Variants in PBRM1 observed in about 807,000 individuals in gnomAD.
PBRM1 encodes the protein protein polybromo-1.
A neutral mutation model predicts 194.5 loss-of-function variants in PBRM1; 27 were observed. The ratio of observed to expected loss-of-function variants is 0.14; its 90% confidence interval spans 0.10 to 0.19. PBRM1 has a LOEUF of 0.19. PBRM1 is among the 10% of genes least tolerant of loss of function. PBRM1 has a pLI of 1.00. For missense variants in PBRM1, 1,466 were observed against 2,077.2 expected (o/e 0.71, Z 5.72); for synonymous variants, 655 against 693.2 (o/e 0.94, Z 0.87).
chr3:52,602,801 C>G (rs903749002), intron 17 of PBRM1, among the ~76,000 whole-genome samples: 7 of 152,176 alleles, frequency 4.6e-5, no homozygotes, highest in African/African-American at 1.7e-4. Context: ...CCAACCAAGT[C>G]TCTTTCCCTT....
intron 15 of PBRM1, among the ~76,000 whole-genome samples, chr3:52,610,759 C>T (rs1162944677): frequency 1.3e-5 from 2 of 152,092 alleles, no homozygotes; most frequent in South Asian, 2.1e-4. Context: ...GCCAACATGG[C>T]GAAACCCTGT....
At chr3:52,553,394 A>G (rs1205490816) in intron 27 of PBRM1, among the ~76,000 whole-genome samples, 1 of 152,046 alleles carries the variant, frequency 6.6e-6, no homozygotes, top group African/African-American at 2.4e-5. Flanking sequence ...ATCCATTTAT[A>G]TATTTCTATA....
chr3:52,667,058 T>C (rs1159608782), intron 3 of PBRM1, among the ~76,000 whole-genome samples: 1 of 152,124 alleles, frequency 6.6e-6, no homozygotes, highest in Non-Finnish European at 1.5e-5. Flanking sequence ...GAGAATAGTG[T>C]TGGTTATACC....
At chr3:52,589,288 A>C in intron 17 of PBRM1, 33 bp from the exon 20 acceptor site, 3 of 1,426,470 alleles carry the variant, frequency 2.1e-6, no homozygotes, top group Non-Finnish European at 2.8e-6. Context: ...TAAAGGAAAA[A>C]GGTACTCACC....
exon 27 of PBRM1, chr3:52,554,827 A>G (rs755857673): frequency 1.9e-6 from 3 of 1,600,190 alleles, no homozygotes; most frequent in Non-Finnish European, 2.6e-6. Flanking sequence ...TAACAAGGCC[A>G]TCAACTGGGC....
upstream of PBRM1, chr3:52,679,741 C>T (rs2097171427): frequency 6.2e-7 from 1 of 1,605,550 alleles, no homozygotes; most frequent in Non-Finnish European, 8.5e-7. Flanking sequence ...AAGAAATAAT[C>T]AGCCATGTTC....
At position 52,587,003 on chromosome 3, in the gene PBRM1, TTGTG is replaced by T. The variant is rs538427811; in HGVS notation, c.3124-319_3124-316del. Among the ~76,000 whole-genome samples the T allele has an allele frequency of 1.4e-4, 21 of 152,238 alleles. No individual in the cohort carries two copies. In the South Asian group the frequency reaches 1.9e-3, roughly 14 times the overall value. ...TGTTCCTTAAAGCTTTGAAGAGGGC[TTGTG>T]TGTGTGTATCAGACAGACACACAAA... On this transcript the variant is annotated intron_variant, in intron 19 of 29. Coordinates refer to ENST00000296302, the Ensembl canonical transcript of PBRM1.
At chr3:52,650,992 A>T (rs939449154) in intron 6 of PBRM1, among the ~76,000 whole-genome samples, 5 of 152,220 alleles carry the variant, frequency 3.3e-5, no homozygotes, top group African/African-American at 1.2e-4. Context: ...GAGAACACAG[A>T]CTACAGCTAG....
In PBRM1 at chr3:52,679,558, A is replaced by G. The variant is rs778613110; in HGVS notation, c.138+16T>C. ...TGGGAAGAGCAGGCAGAAACCATGT[A>G]ATCCAAGTTACTCACAGGATCTACA... On this transcript the variant is annotated intron_variant, in intron 1 of 29. Transcript: ENST00000296302. 6.2e-7 allele frequency: 1 copy of G among 1,608,640 alleles called. No homozygotes were observed. Among genetic ancestry groups the G allele is most frequent in the South Asian group, 1.1e-5 (1 of 90,184 alleles).
intron 16 of PBRM1, among the ~76,000 whole-genome samples, chr3:52,604,025 C>A (rs963336274): frequency 2.0e-5 from 3 of 152,156 alleles, no homozygotes; most frequent in African/African-American, 2.4e-5. Flanking sequence ...ACGCATCAAT[C>A]GATTCTGGCA....
chr3:52,605,603 CTTTT>C (rs752235047), intron 16 of PBRM1, among the ~76,000 whole-genome samples: 18 of 134,986 alleles, frequency 1.3e-4, no homozygotes, highest in Non-Finnish European at 2.6e-4. Context: ...CGGAAAGTCT[CTTTT>C]TTTTTTTTTT....
At chr3:52,623,468 T>C (rs1195361638) in intron 13 of PBRM1, among the ~76,000 whole-genome samples, 1 of 152,220 alleles carries the variant, frequency 6.6e-6, no homozygotes, top group Non-Finnish European at 1.5e-5. Context: ...GCTTGCTATA[T>C]TTCACCTTCA....
At chr3:52,674,506 G>C (rs2097041575) in intron 2 of PBRM1, among the ~76,000 whole-genome samples, 2 of 145,828 alleles carry the variant, frequency 1.4e-5, no homozygotes. Flanking sequence ...AAGAGAGAGA[G>C]AGGCTGGGTG....
intron 14 of PBRM1, among the ~76,000 whole-genome samples, chr3:52,615,853 G>C (rs1319668082): frequency 2.0e-5 from 3 of 152,226 alleles, no homozygotes; most frequent in Admixed American, 6.5e-5. Context: ...GATAGTTGGA[G>C]AGCAATATCT....
intron 22 of PBRM1, among the ~76,000 whole-genome samples, chr3:52,574,393 C>T (rs2088631881): frequency 6.6e-6 from 1 of 152,222 alleles, no homozygotes; most frequent in South Asian, 2.1e-4. Context: ...AGGGATTACA[C>T]TTTAAGTCAT....
chr3:52,578,972 C>T (rs781142800), intron 21 of PBRM1, 82 bp downstream of exon 23: 2 of 1,344,778 alleles, frequency 1.5e-6, no homozygotes, highest in Non-Finnish European at 2.1e-6. Flanking sequence ...GGACTTTTGT[C>T]TTCATCCGAA....
intron 6 of PBRM1, among the ~76,000 whole-genome samples, chr3:52,648,710 T>C (rs2096399163): frequency 6.6e-6 from 1 of 152,138 alleles, no homozygotes; most frequent in Admixed American, 6.5e-5. Flanking sequence ...TCAAATAAGG[T>C]AGAAGTTTTA....
At chr3:52,631,692 C>A (rs1303240180) in intron 11 of PBRM1, among the ~76,000 whole-genome samples, 1 of 152,070 alleles carries the variant, frequency 6.6e-6, no homozygotes, top group Non-Finnish European at 1.5e-5. Flanking sequence ...CCTCGCCTGG[C>A]CAACTTTTGA....
intron 17 of PBRM1, among the ~76,000 whole-genome samples, chr3:52,591,977 C>A (rs377157736): frequency 6.7e-6 from 1 of 149,650 alleles, no homozygotes; most frequent in East Asian, 2.0e-4. Flanking sequence ...CAGGTGCCCA[C>A]GACCATGCCC....
Sources: gnomAD v4.1 joint callset for allele counts (sites outside exome capture counted in the v4.1 genomes callset) on GRCh38, gnomAD v4.1.1 for gene constraint, MANE v1.5 for transcripts, NCBI Gene and HGNC (gene_info 2026-07-23, HGNC 2026-07-21) for gene names.